RGL1: variants seen among roughly 807,000 people sequenced by gnomAD.
The protein encoded by RGL1 is ral guanine nucleotide dissociation stimulator like 1.
RGL1 carries 24 observed loss-of-function variants against 95.2 expected under a neutral mutation model. The observed-to-expected ratio is 0.25, with a 90% confidence interval of 0.18 to 0.35. The LOEUF (loss-of-function observed/expected upper bound fraction) is 0.35, where lower values mean the gene tolerates loss of function less well. RGL1 is among the 10% of genes least tolerant of loss of function. The probability of loss-of-function intolerance (pLI) is 1.00; values close to 1 mark genes in which losing one functional copy is unlikely to be tolerated. For synonymous variants in RGL1, 329 were observed against 344.9 expected (o/e 0.95, Z 0.51); for missense variants, 715 against 936.3 (o/e 0.76, Z 3.08).
intron 1 of RGL1, among the ~76,000 whole-genome samples, chr1:183,693,580 CTT>C (rs748927461): frequency 2.1e-5 from 3 of 142,174 alleles, no homozygotes; most frequent in Non-Finnish European, 4.6e-5. Context: ...TTCTAGATTA[CTT>C]TTTTTTTTTT....
At chr1:183,857,387 T>C (rs1434905935) in intron 3 of RGL1, among the ~76,000 whole-genome samples, 1 of 152,332 alleles carries the variant, frequency 6.6e-6, no homozygotes, top group Non-Finnish European at 1.5e-5. Context: ...TATAAAATAG[T>C]AAATTTGTAT....
intron 6 of RGL1, among the ~76,000 whole-genome samples, chr1:183,884,189 T>C (rs949048629): frequency 3.9e-5 from 6 of 152,250 alleles, no homozygotes; most frequent in African/African-American, 1.4e-4. Flanking sequence ...AAATCTGCCT[T>C]GTTCTGTGGG....
At chr1:183,664,497 C>A (rs1276008614) in intron 1 of RGL1, among the ~76,000 whole-genome samples, 2 of 150,584 alleles carry the variant, frequency 1.3e-5, no homozygotes, top group Non-Finnish European at 2.9e-5. Context: ...GTTGTTTGCT[C>A]AAGATTATAC....
chr1:183,746,256 C>T (rs1426177632), intron 2 of RGL1, among the ~76,000 whole-genome samples: 1 of 151,996 alleles, frequency 6.6e-6, no homozygotes, highest in Admixed American at 6.6e-5. Context: ...TTTAATCATC[C>T]TTTTGCTTTT....
At position 183,795,165 on chromosome 1, in the gene RGL1, A is replaced by C. The variant is rs180680664; in HGVS notation, c.133-11210A>C. Among the ~76,000 whole-genome samples the C allele has an allele frequency of 2.6e-5, 4 of 152,254 alleles. No individual in the cohort carries two copies. The East Asian group carries it at 7.7e-4, about 29-fold the overall frequency. ...ATTACAGGCATGAGCCACCATGTCC[A>C]GCCACACTTACTGAGTTTATAGCAT... On this transcript the variant is annotated intron_variant, in intron 2 of 18. Coordinates refer to the RGL1 transcript ENST00000304685.
At chr1:183,792,593 T>A (rs1462690489) in intron 2 of RGL1, among the ~76,000 whole-genome samples, 1 of 152,044 alleles carries the variant, frequency 6.6e-6, no homozygotes, top group Non-Finnish European at 1.5e-5. Context: ...TTCTTAGAAC[T>A]GATAAGAGAA....
At position 183,806,404 on chromosome 1, in the gene RGL1, A is replaced by G. The variant is rs751533929; in HGVS notation, c.57A>G (p.Val19=). The G allele has an allele frequency of 1.2e-6, 2 of 1,614,008 alleles. No homozygotes were observed. Among genetic ancestry groups the G allele is most frequent in the South Asian group, 2.2e-5 (2 of 91,080 alleles). Residue 19 remains valine, a synonymous_variant, in exon 2 of 18, where the codon GTA becomes GTG. Transcript: ENST00000360851. ...CGATTCAGGACTGGGGTGAAGAGGT[A>G]GAGGAAGGAGCTGTTTACCATGTCA... The part of the protein sequence containing the change: ...MSSIQDWGEE[V]EEGAVYHVTL...
At chr1:183,826,569 T>A (rs1324433563) in intron 2 of RGL1, among the ~76,000 whole-genome samples, 1 of 152,090 alleles carries the variant, frequency 6.6e-6, no homozygotes, top group African/African-American at 2.4e-5. Flanking sequence ...AAGAAGAAGA[T>A]GATGATGAAA....
Position 183,860,352 on chromosome 1 carries a change from A to C in RGL1, c.348-5644A>C, listed in dbSNP as rs79704295. 3.5e-3 allele frequency among the ~76,000 whole-genome samples: 535 copies of C among 152,280 alleles called. 1 individual carries two copies. Among genetic ancestry groups the C allele is most frequent in the African/African-American group, 0.012 (513 of 41,544 alleles). ...GCAGGCTCTATTCCAGGCTCAGTAG[A>C]AGTAGCAGTAAGCAAAATAGAAGAG... On this transcript the variant is annotated intron_variant, in intron 3 of 17. Coordinates refer to ENST00000360851, the MANE Select transcript of RGL1 (RefSeq NM_001297671.3).
intron 1 of RGL1, among the ~76,000 whole-genome samples, chr1:183,641,980 C>A (rs1649955569): frequency 6.6e-6 from 1 of 152,106 alleles, no homozygotes; most frequent in African/African-American, 2.4e-5. Flanking sequence ...TCTTCCATGA[C>A]CATGGACGTT....
chr1:183,669,843 G>C (rs999458559), intron 1 of RGL1, among the ~76,000 whole-genome samples: 3 of 151,394 alleles, frequency 2.0e-5, no homozygotes, highest in South Asian at 2.1e-4. Flanking sequence ...AGGCAAGAGA[G>C]AAGTGGCGAG....
intron 5 of RGL1, among the ~76,000 whole-genome samples, chr1:183,881,168 C>T (rs898675608): frequency 6.6e-6 from 1 of 152,156 alleles, no homozygotes; most frequent in Middle Eastern, 3.2e-3. Flanking sequence ...CCATGCTGAA[C>T]CTGAATTTGC....
At chr1:183,905,596 T>G (rs1343169915) in intron 13 of RGL1, among the ~76,000 whole-genome samples, 1 of 152,170 alleles carries the variant, frequency 6.6e-6, no homozygotes, top group Non-Finnish European at 1.5e-5. Flanking sequence ...CCTGACATGT[T>G]TGGCATTTGA....
intron 2 of RGL1, among the ~76,000 whole-genome samples, chr1:183,762,813 A>G (rs575969183): frequency 6.6e-6 from 1 of 152,320 alleles, no homozygotes; most frequent in Non-Finnish European, 1.5e-5. Context: ...TAGTTCAACC[A>G]TTGTGGAAGA....
At chr1:183,851,356 T>C (rs1664814975) in intron 3 of RGL1, among the ~76,000 whole-genome samples, 1 of 152,194 alleles carries the variant, frequency 6.6e-6, no homozygotes, top group Non-Finnish European at 1.5e-5. Flanking sequence ...GTTTCATGCC[T>C]TGAGATAGTT....
At chr1:183,849,489 T>TG (rs1664682706) in intron 3 of RGL1, among the ~76,000 whole-genome samples, 1 of 127,072 alleles carries the variant, frequency 7.9e-6, no homozygotes, top group East Asian at 2.1e-4. Context: ...TTTAGTTTTT[T>TG]TTTTTTTTTT....
At chr1:183,913,513 A>G (rs536686275) in intron 15 of RGL1, among the ~76,000 whole-genome samples, 1 of 152,258 alleles carries the variant, frequency 6.6e-6, no homozygotes, top group South Asian at 2.1e-4. Flanking sequence ...TTCTGTACAC[A>G]TCTGCTTCAA....
chr1:183,681,018 T>A (rs1281386370), intron 1 of RGL1, among the ~76,000 whole-genome samples: 1 of 152,244 alleles, frequency 6.6e-6, no homozygotes. Flanking sequence ...TTTTGCACAT[T>A]GATTTTGTAT....
chr1:183,857,915 A>T (rs1315232479), intron 3 of RGL1, among the ~76,000 whole-genome samples: 5 of 152,168 alleles, frequency 3.3e-5, no homozygotes, highest in Admixed American at 3.3e-4. Context: ...CACTGAGGGG[A>T]TGCTGTCAAA....
Sources: gnomAD v4.1 joint callset for allele counts (sites outside exome capture counted in the v4.1 genomes callset) on GRCh38, gnomAD v4.1.1 for gene constraint, MANE v1.5 for transcripts, NCBI Gene and HGNC (gene_info 2026-07-23, HGNC 2026-07-21) for gene names.